Variants in STK32B observed in about 807,000 individuals in gnomAD.
The protein encoded by STK32B is serine/threonine-protein kinase 32B.
In STK32B, 43 loss-of-function variants were observed where a neutral mutation model predicts 52.6. The ratio of observed to expected loss-of-function variants is 0.82; its 90% CI spans 0.64 to 1.05. The LOEUF (loss-of-function observed/expected upper bound fraction) is 1.05. STK32B is among the 50% of genes least tolerant of loss of function. The pLI is 0.00. For synonymous variants in STK32B, 238 were observed against 204.3 expected, an observed-to-expected ratio of 1.17 and a Z score of -1.41; for missense variants, 621 against 534.6, an observed-to-expected ratio of 1.16 and a Z score of -1.59.
intron 6 of STK32B, among the ~76,000 whole-genome samples, chr4:5,433,220 G>A (rs896203446): frequency 6.6e-6 from 1 of 151,964 alleles, no homozygotes; most frequent in African/African-American, 2.4e-5. Flanking sequence ...ATAAGTCTTG[G>A]TGACCAATCA....
At chr4:5,160,263 T>G (rs76903967) in intron 2 of STK32B, among the ~76,000 whole-genome samples, 1 of 152,128 alleles carries the variant, frequency 6.6e-6, no homozygotes, top group Non-Finnish European at 1.5e-5. Flanking sequence ...TGGATGCTGA[T>G]CACACAACCA....
chr4:5,121,160 A>G (rs1027414573), intron 1 of STK32B, among the ~76,000 whole-genome samples: 6 of 152,190 alleles, frequency 3.9e-5, no homozygotes, highest in South Asian at 2.1e-4. Flanking sequence ...TCCCATTTAT[A>G]GGTGAGAACA....
intron 7 of STK32B, among the ~76,000 whole-genome samples, chr4:5,456,254 C>T (rs1716510831): frequency 6.6e-6 from 1 of 152,256 alleles, no homozygotes; most frequent in Non-Finnish European, 1.5e-5. Flanking sequence ...AGAGCTTACA[C>T]ATCCTCACTG....
intron 3 of STK32B, among the ~76,000 whole-genome samples, chr4:5,188,933 A>G (rs1720961808): frequency 6.6e-6 from 1 of 152,138 alleles, no homozygotes; most frequent in Non-Finnish European, 1.5e-5. Flanking sequence ...CAATGAGTGC[A>G]GCAAACCAAC....
At chr4:5,239,283 G>A (rs1011180041) in intron 3 of STK32B, among the ~76,000 whole-genome samples, 1 of 152,192 alleles carries the variant, frequency 6.6e-6, no homozygotes, top group African/African-American at 2.4e-5. Context: ...TTCTCTGGCT[G>A]CTGGGCAAAT....
At chr4:5,371,097 A>T (rs1226475837) in intron 4 of STK32B, among the ~76,000 whole-genome samples, 2 of 151,880 alleles carry the variant, frequency 1.3e-5, no homozygotes, top group African/African-American at 4.8e-5. Flanking sequence ...GGAAGACTTT[A>T]TTCAGGACTA....
Position 5,139,907 on chromosome 4 carries a change from A to T in STK32B, c.55A>T (p.Asn19Tyr), listed in dbSNP as rs1716304498. The T allele has an allele frequency of 1.2e-6, 2 of 1,614,052 alleles. No homozygotes were observed. Among genetic ancestry groups the T allele is most frequent in the African/African-American group, 1.3e-5 (1 of 74,914 alleles). The change falls in exon 2 of 12, where the codon AAC (asparagine) becomes TAC (tyrosine). Residue 19 changes from asparagine to tyrosine, a missense_variant and splice_region_variant. Physicochemically the swap from Asn to Tyr is moderately radical, Grantham distance 143 (BLOSUM62 -2). Transcript: ENST00000282908. Reference protein sequence around the residue: ...PPVFDENEEVNFDHFQILRAI... With the variant: ...PPVFDENEEVYFDHFQILRAI... ...TCCTTTTTTGTTTTCTTTTGCAGTC[A>T]ACTTTGACCATTTTCAGATTCTGCG...
chr4:5,145,382 G>T (rs1290112881), intron 2 of STK32B, among the ~76,000 whole-genome samples: 1 of 152,162 alleles, frequency 6.6e-6, no homozygotes, highest in Non-Finnish European at 1.5e-5. Flanking sequence ...ACATACAACA[G>T]AATGAACACA....
intron 1 of STK32B, among the ~76,000 whole-genome samples, chr4:5,113,382 C>T (rs1009619912): frequency 1.2e-4 from 18 of 152,134 alleles, no homozygotes; most frequent in African/African-American, 4.1e-4. Context: ...GCCACCCAGT[C>T]TATGATATTT....
intron 3 of STK32B, among the ~76,000 whole-genome samples, chr4:5,214,849 AT>A (rs1360983893): frequency 6.6e-6 from 1 of 152,240 alleles, no homozygotes; most frequent in Middle Eastern, 3.2e-3. Context: ...TGAGAGAGGT[AT>A]GAACAAAGTG....
At chr4:5,303,389 G>A (rs745337680) in intron 3 of STK32B, among the ~76,000 whole-genome samples, 2 of 152,038 alleles carry the variant, frequency 1.3e-5, no homozygotes, top group Non-Finnish European at 2.9e-5. Context: ...TCAGAGTGAT[G>A]TGGTATCGCA....
Position 5,398,797 on chromosome 4 carries a change from TA to T in STK32B, c.472+554del, listed in dbSNP as rs113599243. ...TCCTAGGCATCTTCTCAAACTGATT[TA>T]GTAAGTCTGAGATGGGACTAGACTC... is the stretch of plus-strand genomic sequence containing the variant. On this transcript the variant is annotated intron_variant, in intron 5 of 11. Transcript: ENST00000282908. The surrounding 1 kb of genome is among the most constrained non-coding windows in gnomAD (Gnocchi z 4.9). Among the ~76,000 whole-genome samples, 5,665 of 150,368 alleles carry T rather than the reference TA, an allele frequency of 0.038. 156 individuals are homozygous for T. Among genetic ancestry groups the T allele is most frequent in the East Asian group, 0.082 (425 of 5,182 alleles).
chr4:5,278,091 G>T (rs538804061), intron 3 of STK32B, among the ~76,000 whole-genome samples: 1 of 152,232 alleles, frequency 6.6e-6, no homozygotes, highest in African/African-American at 2.4e-5. Context: ...GGTGACTAAT[G>T]ACAGGCCCCA....
chr4:5,356,705 A>T (rs1226254978), intron 4 of STK32B, among the ~76,000 whole-genome samples: 1 of 152,108 alleles, frequency 6.6e-6, no homozygotes, highest in Non-Finnish European at 1.5e-5. Context: ...GGTGTTTAAT[A>T]AGTGTATATT....
chr4:5,490,555 G>C (rs1008369952), intron 11 of STK32B, among the ~76,000 whole-genome samples: 1 of 151,846 alleles, frequency 6.6e-6, no homozygotes. Flanking sequence ...GCAGAGCCTC[G>C]TCTTTTTTTT....
chr4:5,067,064 A>T (rs907942856), intron 1 of STK32B, among the ~76,000 whole-genome samples: 1 of 152,220 alleles, frequency 6.6e-6, no homozygotes, highest in Non-Finnish European at 1.5e-5. Flanking sequence ...AAGAAGCTTA[A>T]TGGACTCACA....
At chr4:5,438,158 G>C (rs1714282661) in intron 6 of STK32B, 1 of 983,108 alleles carries the variant, frequency 1.0e-6, no homozygotes, top group Non-Finnish European at 1.2e-6. Flanking sequence ...CTTGTGGGCT[G>C]GCCCAGCATG....
At chr4:5,077,895 T>G (rs1323603847) in intron 1 of STK32B, among the ~76,000 whole-genome samples, 2 of 152,068 alleles carry the variant, frequency 1.3e-5, no homozygotes, top group African/African-American at 2.4e-5. Context: ...AAATAATAAC[T>G]TAAACTGTGA....
chr4:5,474,553 T>A (rs1718091970), intron 11 of STK32B, among the ~76,000 whole-genome samples: 1 of 152,224 alleles, frequency 6.6e-6, no homozygotes, highest in Admixed American at 6.5e-5. Flanking sequence ...CCTTTGCACT[T>A]AGTCCCTTCC....
Sources: gnomAD v4.1 joint callset for allele counts (sites outside exome capture counted in the v4.1 genomes callset) on GRCh38, gnomAD v4.1.1 for gene constraint, Gnocchi (gnomAD v3.1) non-coding constraint, MANE v1.5 for transcripts, NCBI Gene and HGNC (gene_info 2026-07-23, HGNC 2026-07-21) for gene names.